The following TCHP variants were observed in gnomAD, a reference collection of about 807,000 sequenced individuals.
TCHP encodes trichoplein keratin filament-binding protein.
In TCHP, 81 loss-of-function variants were observed where a neutral mutation model predicts 88.7. The ratio of observed to expected loss-of-function variants is 0.91; its 90% CI spans 0.76 to 1.10. The LOEUF is 1.10. TCHP is among the 50% of genes least tolerant of loss of function. The pLI, the probability that TCHP is intolerant of heterozygous loss-of-function variation, is 0.00. For synonymous variants in TCHP, 232 were observed against 232.5 expected, an observed-to-expected ratio of 1.00 and a Z score of 0.02; for missense variants, 641 against 632.1, an observed-to-expected ratio of 1.01 and a Z score of -0.15.
upstream of TCHP, among the ~76,000 whole-genome samples, chr12:109,897,391 G>A (rs1338855865): frequency 1.3e-5 from 2 of 152,126 alleles, no homozygotes; most frequent in East Asian, 1.9e-4. Context: ...CATGCTGGTC[G>A]AGCCCTAAGC....
rs147248567 is a variant in TCHP at position 109,912,409 on chromosome 12, T to A, written c.1053-582T>A. ...CCCTCCTCTCCATGTTCTGATGGTT[T>A]CATTCATCTCTGTGTTAAACAGCCA... On this transcript the variant is annotated intron_variant, in intron 9 of 12. Coordinates refer to ENST00000405876, the MANE Select transcript of TCHP (RefSeq NM_001143852.2). 9.9e-3 allele frequency among the ~76,000 whole-genome samples: 1,514 copies of A among 152,324 alleles called. 92 individuals are homozygous for A. The highest frequency in any genetic ancestry group is 0.085 in the Admixed American group (1,300 of 15,296).
intron 8 of TCHP, among the ~76,000 whole-genome samples, chr12:109,909,407 T>A (rs762096852): frequency 6.6e-6 from 1 of 152,248 alleles, no homozygotes; most frequent in Non-Finnish European, 1.5e-5. Flanking sequence ...GGTGCCTGTT[T>A]AGTTCACATC....
chr12:109,916,494 T>G, intron 12 of TCHP, 97 bp from the exon 13 acceptor site: 5 of 1,273,194 alleles, frequency 3.9e-6, no homozygotes, highest in Non-Finnish European at 5.5e-6. Context: ...AACAGCCATT[T>G]ATATTGTTCT....
At chr12:109,891,867 G>A in the TCHP span, among the ~76,000 whole-genome samples, 2 of 151,674 alleles carry the variant, frequency 1.3e-5, no homozygotes, top group Non-Finnish European at 2.9e-5. Flanking sequence ...GCACAACCAC[G>A]CTCTGCTAAT....
At chr12:109,914,345 C>T in intron 10 of TCHP, 97 bp from the exon 11 acceptor site, 1 of 1,141,802 alleles carries the variant, frequency 8.8e-7, no homozygotes, top group Non-Finnish European at 1.2e-6. Context: ...AAGGATGAGG[C>T]TGGGCCTTGC....
At position 109,907,549 on chromosome 12, in the gene TCHP, G is replaced by A. The variant is rs1870213803; in HGVS notation, c.549G>A (p.Glu183=). ...AGCAAGAAGCCACCGCAGAGCAAGAGAACAAACGGTATGAAAATGAATATG... is the reference window on the plus strand; with the variant it reads ...AGCAAGAAGCCACCGCAGAGCAAGAAAACAAACGGTATGAAAATGAATATG... The part of the protein sequence containing the change: ...KKQQEATAEQ[E]NKRYENEYER... Residue 183 remains glutamate, a synonymous_variant, in exon 6 of 13, where the codon GAG becomes GAA. Coordinates refer to ENST00000405876, the MANE Select transcript of TCHP (RefSeq NM_001143852.2). The A allele has an allele frequency of 1.9e-6, 3 of 1,614,084 alleles. No homozygotes were observed. Among genetic ancestry groups the A allele is most frequent in the Admixed American group, 1.7e-5 (1 of 60,010 alleles).
At chr12:109,909,003 T>A in intron 8 of TCHP, 66 bp downstream of exon 8, 2 of 1,466,990 alleles carry the variant, frequency 1.4e-6, no homozygotes, top group South Asian at 2.3e-5. Flanking sequence ...TTCCATTGCT[T>A]AGTATATGAG....
intron 5 of TCHP, among the ~76,000 whole-genome samples, chr12:109,906,949 C>T (rs747948719): frequency 2.6e-5 from 4 of 152,112 alleles, no homozygotes; most frequent in East Asian, 3.9e-4. Context: ...TGTGCAGTGG[C>T]GCGACTCACA....
rs1224638908 is a variant in TCHP at position 109,905,952 on chromosome 12, C to T, written c.457-620C>T. Among the ~76,000 whole-genome samples the T allele has an allele frequency of 6.6e-6, 1 of 152,232 alleles. No individual in the cohort carries two copies. Among genetic ancestry groups the T allele is most frequent in the Non-Finnish European group, 1.5e-5 (1 of 68,048 alleles). ...CTGGGCTCAAGTGATCCTCCCACCT[C>T]AGCCTCCCGAGTAGCTGAGACTACA... On this transcript the variant is annotated intron_variant, in intron 4 of 12. Coordinates refer to ENST00000405876, the MANE Select transcript of TCHP (RefSeq NM_001143852.2). The surrounding 1 kb of genome is among the most constrained non-coding windows in gnomAD (Gnocchi z 4.0).
rs1214535530 is a variant in TCHP at position 109,917,994 on chromosome 12, C to T, written c.*1371C>T. The T allele has an allele frequency of 6.6e-6, 1 of 152,208 alleles. No homozygotes were observed. The highest frequency in any genetic ancestry group is 1.5e-5 in the Non-Finnish European group (1 of 68,048). The allele number at this position is 152,208 out of a possible 1,614,324, so 9.4% of individuals were successfully genotyped here. On this transcript the variant is annotated 3_prime_UTR_variant, in exon 13 of 13. Coordinates refer to ENST00000405876, the MANE Select transcript of TCHP (RefSeq NM_001143852.2). Reference sequence around the variant, plus strand: ...ACTCTGATCCCCTGAGCAGCACGTTCATCACGCATGCTCTCTGTTGCGTTC... The same window carrying T: ...ACTCTGATCCCCTGAGCAGCACGTTTATCACGCATGCTCTCTGTTGCGTTC...
Position 109,904,746 on chromosome 12 carries a change from C to G in TCHP, c.409C>G (p.Gln137Glu). 3 of 1,611,882 alleles carry G rather than the reference C, an allele frequency of 1.9e-6. No individual in the cohort carries two copies. The highest frequency in any genetic ancestry group is 2.2e-5 in the East Asian group (1 of 44,864). Reference protein sequence around the residue: ...KEEQRKLIAEQLLYEHWKKNN... With the variant: ...KEEQRKLIAEELLYEHWKKNN... ...TGTGTTTTCTTGATAGATTGCTGAACAACTTTTGTACGAACACTGGAAAAA... is the reference window on the plus strand; with the variant it reads ...TGTGTTTTCTTGATAGATTGCTGAAGAACTTTTGTACGAACACTGGAAAAA... Residue 137 changes from glutamine to glutamate, a missense_variant, in exon 4 of 13, where the codon CAA becomes GAA. Transcript: ENST00000405876.
chr12:109,903,795 C>A lies in TCHP; in HGVS notation c.189-142C>A. On this transcript the variant is annotated intron_variant, in intron 2 of 12. Transcript: ENST00000405876. This position sits in a 1 kb window ranked among gnomAD's most constrained non-coding sequence, Gnocchi z 4.6. Reference sequence around the variant, plus strand: ...TCTCTTACACATACTATTCTGTGACCTGCTGTCTCTGCTTTGGCTGGGGAC... The same window carrying A: ...TCTCTTACACATACTATTCTGTGACATGCTGTCTCTGCTTTGGCTGGGGAC... The A allele has an allele frequency of 1.5e-6, 1 of 672,930 alleles. No homozygotes were observed. Among genetic ancestry groups the A allele is most frequent in the Non-Finnish European group, 2.6e-6 (1 of 381,360 alleles). 41.7% of individuals were successfully genotyped at this position (672,930 alleles called of 1,614,324 possible).
intron 6 of TCHP, among the ~76,000 whole-genome samples, chr12:109,908,098 G>A (rs1421364786): frequency 6.6e-6 from 1 of 151,930 alleles, no homozygotes; most frequent in Non-Finnish European, 1.5e-5. Context: ...TCCAGGGGCT[G>A]TTTTTGGAGA....
the TCHP span, among the ~76,000 whole-genome samples, chr12:109,890,274 G>A: frequency 6.8e-6 from 1 of 146,274 alleles, no homozygotes; most frequent in African/African-American, 2.6e-5. Flanking sequence ...GAACCAACCT[G>A]TGCAACACAA....
At chr12:109,904,528 C>A (rs936672100) in intron 3 of TCHP, among the ~76,000 whole-genome samples, 2 of 152,042 alleles carry the variant, frequency 1.3e-5, no homozygotes, top group Non-Finnish European at 2.9e-5. Context: ...AGATTTTGGC[C>A]CCCTTTTGTC....
Position 109,911,079 on chromosome 12 carries a change from T to G in TCHP, c.896T>G (p.Ile299Ser), listed in dbSNP as rs778619018. Reference sequence around the variant, plus strand: ...TTCCTCTAGGAGGCAGACAGGCGGATCCTGCAGGCCCTCCTCGAGAAGGAG... The same window carrying G: ...TTCCTCTAGGAGGCAGACAGGCGGAGCCTGCAGGCCCTCCTCGAGAAGGAG... ...IQEELEADRR[I>S]LQALLEKEDE... Residue 299 changes from isoleucine to serine, a missense_variant, in exon 9 of 13, where the codon ATC becomes AGC. Coordinates refer to ENST00000405876, the MANE Select transcript of TCHP (RefSeq NM_001143852.2). 2 of 1,585,550 alleles carry G rather than the reference T, an allele frequency of 1.3e-6. No homozygotes were observed. Among genetic ancestry groups the G allele is most frequent in the African/African-American group, 2.7e-5 (2 of 74,310 alleles).
chr12:109,908,898 T>C lies in TCHP; in HGVS notation c.840T>C (p.Ala280=). The change falls in exon 8 of 13, where the codon GCT becomes GCC. Residue 280 remains alanine (A), a synonymous_variant. Coordinates refer to ENST00000405876, the MANE Select transcript of TCHP (RefSeq NM_001143852.2). ...GTTTCTTGAGACATCAGTATAACGC[T>C]CAACTCAGCAGACGCACACAGCAGA... ...LGRFLRHQYN[A]QLSRRTQQIQ... is the part of the protein sequence containing the mutation. 1 of 1,614,220 alleles carries C rather than the reference T, an allele frequency of 6.2e-7. No homozygotes were observed. Among genetic ancestry groups the C allele is most frequent in the Non-Finnish European group, 8.5e-7 (1 of 1,180,040 alleles).
At position 109,903,790 on chromosome 12, in the gene TCHP, G is replaced by A; in HGVS notation, c.189-147G>A. On this transcript the variant is annotated intron_variant, in intron 2 of 12. Coordinates refer to ENST00000405876, the MANE Select transcript of TCHP (RefSeq NM_001143852.2). This position sits in a 1 kb window ranked among gnomAD's most constrained non-coding sequence, Gnocchi z 4.6. ...GATTTTCTCTTACACATACTATTCT[G>A]TGACCTGCTGTCTCTGCTTTGGCTG... is the stretch of plus-strand genomic sequence containing the variant. The A allele has an allele frequency of 3.0e-6, 2 of 660,524 alleles. No homozygotes were observed. Among genetic ancestry groups the A allele is most frequent in the East Asian group, 5.5e-5 (2 of 36,612 alleles). The allele number at this position is 660,524 out of a possible 1,614,324, so 40.9% of individuals were successfully genotyped here. A position where few individuals can be genotyped will look rare whatever the true frequency, so the allele number is the denominator to read the frequency against.
chr12:109,887,004 G>T, the TCHP span, among the ~76,000 whole-genome samples: 2 of 152,118 alleles, frequency 1.3e-5, no homozygotes, highest in East Asian at 3.9e-4. Context: ...ACTGCGCCCG[G>T]CCTAGATGTG....
Sources: allele counts gnomAD v4.1 joint callset (sites outside exome capture counted in the v4.1 genomes callset), GRCh38; gene constraint gnomAD v4.1.1; non-coding constraint Gnocchi (gnomAD v3.1); transcripts MANE v1.5; gene names NCBI Gene and HGNC (gene_info 2026-07-23, HGNC 2026-07-21).